AKAP11: variants seen among roughly 807,000 people sequenced by gnomAD.
AKAP11 encodes A-kinase anchoring protein 11, also known as A-kinase anchor protein 11.
AKAP11 carries 36 observed loss-of-function variants against 146.1 expected under a neutral mutation model. That is an observed-to-expected ratio of 0.25 (90% CI 0.19 to 0.33). The LOEUF (loss-of-function observed/expected upper bound fraction) is 0.33. Among genes scored for constraint, AKAP11 ranks in the 10% least tolerant of loss-of-function variants. AKAP11 has a pLI of 1.00. For missense variants in AKAP11, 2,201 were observed against 2,197.0 expected (o/e 1.00, Z -0.04); for synonymous variants, 780 against 786.5 (o/e 0.99, Z 0.14).
intron 8 of AKAP11, among the ~76,000 whole-genome samples, chr13:42,304,598 A>C (rs1183676361): frequency 6.6e-6 from 1 of 152,238 alleles, no homozygotes; most frequent in Admixed American, 6.5e-5. Context: ...AAGTTTTCTT[A>C]TAAAGACCAT....
chr13:42,271,927 C>G (rs1026277075), upstream of AKAP11, among the ~76,000 whole-genome samples: 2 of 151,738 alleles, frequency 1.3e-5, no homozygotes, highest in African/African-American at 4.8e-5. Context: ...CCTTCTTTCC[C>G]TTTTTAAACG....
At chr13:42,289,570 A>G (rs1959190426) in intron 3 of AKAP11, among the ~76,000 whole-genome samples, 1 of 152,070 alleles carries the variant, frequency 6.6e-6, no homozygotes, top group East Asian at 1.9e-4. Flanking sequence ...CATAACTTTG[A>G]TTGCTTTTTC....
intron 8 of AKAP11, 46 bp from the exon 9 acceptor site, chr13:42,308,408 T>C (rs1960387769): frequency 6.8e-7 from 1 of 1,475,674 alleles, no homozygotes; most frequent in Admixed American, 2.0e-5. Context: ...GTTCAGAATC[T>C]GGGATGCTTT....
chr13:42,295,036 A>G (rs1235569251), intron 4 of AKAP11, among the ~76,000 whole-genome samples: 2 of 152,192 alleles, frequency 1.3e-5, no homozygotes, highest in Non-Finnish European at 2.9e-5. Flanking sequence ...AGTAATCTCT[A>G]CATAAGGATA....
At chr13:42,314,436 G>A (rs1209792770) in intron 11 of AKAP11, among the ~76,000 whole-genome samples, 1 of 119,682 alleles carries the variant, frequency 8.4e-6, no homozygotes, top group South Asian at 3.1e-4. Context: ...CAGAGCCAGA[G>A]ACTCTGACTT....
intron 8 of AKAP11, 78 bp from the exon 9 acceptor site, chr13:42,308,376 C>A: frequency 8.3e-7 from 1 of 1,208,776 alleles, no homozygotes; most frequent in South Asian, 1.6e-5. Context: ...TCATCTTTGT[C>A]ATCAAATTGA....
intron 1 of AKAP11, among the ~76,000 whole-genome samples, chr13:42,283,550 T>C (rs1959106567): frequency 2.0e-5 from 3 of 152,228 alleles, no homozygotes; most frequent in Admixed American, 1.3e-4. Flanking sequence ...TAGCCAGCCC[T>C]GTCAAATCCC....
At position 42,308,616 on chromosome 13, in the gene AKAP11, A is replaced by G; in HGVS notation, c.5273+7A>G. 1 of 1,609,596 alleles carries G rather than the reference A, an allele frequency of 6.2e-7. No individual in the cohort carries two copies. Among genetic ancestry groups the G allele is most frequent in the Non-Finnish European group, 8.5e-7 (1 of 1,177,074 alleles). On this transcript the variant is annotated splice_region_variant and intron_variant, in intron 9 of 12. Transcript: ENST00000025301. ...TTCATCATCTAAGTGAAAGGTAACT[A>G]CACTTTTGCATATAATTGTGTAGTT...
intron 11 of AKAP11, among the ~76,000 whole-genome samples, chr13:42,316,425 A>G (rs771200218): frequency 1.3e-5 from 2 of 152,146 alleles, no homozygotes; most frequent in Admixed American, 1.3e-4. Context: ...GGAATGTTAA[A>G]CGCATGATAT....
Position 42,308,478 on chromosome 13 carries a change from G to C in AKAP11, c.5142G>C (p.Gln1714His). The stretch of plus-strand genomic sequence containing the variant: ...GTTCAAAAGAAATAGAAGACTTTCA[G>C]TCAACCGAGTCTGTCAGTAGCCAGC... Reference protein sequence around the residue: ...VSSSKEIEDFQSTESVSSQQM... With the variant: ...VSSSKEIEDFHSTESVSSQQM... The change falls in exon 9 of 13, where the codon CAG becomes CAC. Residue 1714 changes from glutamine (Q) to histidine (H), a missense_variant. Physicochemically the swap from Gln to His is conservative, Grantham distance 24. Coordinates refer to ENST00000025301, the MANE Select transcript of AKAP11 (RefSeq NM_016248.4). The C allele has an allele frequency of 6.3e-7, 1 of 1,596,218 alleles. No homozygotes were observed. Among genetic ancestry groups the C allele is most frequent in the Non-Finnish European group, 8.5e-7 (1 of 1,170,036 alleles).
In AKAP11 at chr13:42,302,378, C is replaced by G. The variant is rs369340773; in HGVS notation, c.3632C>G (p.Thr1211Ser). ...GCTACACACATCCTTTCTCTTGCAA[C>G]TGAAATGGCAGCTTCCCATTTAGAT... ...ALATHILSLA[T>S]EMAASHLDNK... Residue 1211 changes from threonine (T) to serine (S), a missense_variant, in exon 8 of 13, where the codon ACT (threonine) becomes AGT (serine). This residue lies in a region of AKAP11 where 1,867 missense variants were observed against 1,833.5 expected (regional missense o/e 1.02). Coordinates refer to ENST00000025301, the MANE Select transcript of AKAP11 (RefSeq NM_016248.4). The G allele has an allele frequency of 4.7e-5, 76 of 1,613,988 alleles. No homozygotes were observed. The highest frequency in any genetic ancestry group is 5.0e-5 in the Admixed American group (3 of 59,980).
At chr13:42,308,336 T>G in intron 8 of AKAP11, 118 bp from the exon 9 acceptor site, 1 of 814,752 alleles carries the variant, frequency 1.2e-6, no homozygotes, top group Non-Finnish European at 1.9e-6. Context: ...GAGCCACTGG[T>G]CTGATTCCGA....
At position 42,301,002 on chromosome 13, in the gene AKAP11, G is replaced by A. The variant is rs1959859213; in HGVS notation, c.2256G>A (p.Met752Ile). The A allele has an allele frequency of 6.2e-7, 1 of 1,614,038 alleles. No individual in the cohort carries two copies. Among genetic ancestry groups the A allele is most frequent in the Non-Finnish European group, 8.5e-7 (1 of 1,179,916 alleles). Residue 752 changes from methionine (M) to isoleucine (I), a missense_variant, in exon 8 of 13, where the codon ATG becomes ATA. Physicochemically the swap from Met to Ile is conservative, Grantham distance 10 (BLOSUM62 1). This residue lies in a region of AKAP11 where 1,867 missense variants were observed against 1,833.5 expected (regional missense o/e 1.02). Coordinates refer to ENST00000025301, the MANE Select transcript of AKAP11 (RefSeq NM_016248.4). The part of the protein sequence containing the change: ...FSPSFHNQAI[M>I]VTKPVQEYKK... ...CTTCTTTTCACAATCAAGCAATTAT[G>A]GTGACAAAACCAGTGCAGGAATATA...
intron 1 of AKAP11, 90 bp downstream of exon 1, chr13:42,272,318 C>T (rs1038905194): frequency 2.6e-5 from 4 of 152,180 alleles, no homozygotes; most frequent in Non-Finnish European, 5.9e-5. Flanking sequence ...AGCGGCCCGG[C>T]TCCGGCGCTC....
intron 1 of AKAP11, among the ~76,000 whole-genome samples, chr13:42,284,069 T>G (rs180777023): frequency 6.6e-6 from 1 of 152,340 alleles, no homozygotes; most frequent in East Asian, 1.9e-4. Context: ...ATTTATTTAC[T>G]CTGTGGGCCT....
intron 5 of AKAP11, 59 bp from the exon 6 acceptor site, chr13:42,296,989 A>C: frequency 3.4e-6 from 5 of 1,479,646 alleles, no homozygotes; most frequent in Non-Finnish European, 4.5e-6. Context: ...TCCACATTAT[A>C]GGAACCTTAA....
intron 4 of AKAP11, among the ~76,000 whole-genome samples, chr13:42,293,044 A>G (rs1356801993): frequency 1.3e-5 from 2 of 152,208 alleles, no homozygotes; most frequent in East Asian, 3.8e-4. Flanking sequence ...TGAATTTATT[A>G]TTATAAAAAG....
chr13:42,319,906 G>GGT lies in AKAP11; in HGVS notation c.*721_*722dup, dbSNP rs3038992. The GGT allele has an allele frequency of 0.14, 17,968 of 132,508 alleles. 1,281 individuals carry two copies. The highest frequency in any genetic ancestry group is 0.17 in the Middle Eastern group (45 of 260). The allele number at this position is 132,508 out of a possible 1,614,324, so 8.2% of individuals were successfully genotyped here. A position where few individuals can be genotyped will look rare whatever the true frequency, so the allele number is the denominator to read the frequency against. On this transcript the variant is annotated 3_prime_UTR_variant, in exon 13 of 13. Transcript: ENST00000025301. Reference sequence around the variant, plus strand: ...TGCTGCCAGTCATTCTGGCATGAAAGGTGTGTGTGTGTGTGTGTGTGTGTG... The same window carrying GGT: ...TGCTGCCAGTCATTCTGGCATGAAAGGTGTGTGTGTGTGTGTGTGTGTGTGTG...
intron 8 of AKAP11, among the ~76,000 whole-genome samples, chr13:42,306,928 C>T (rs762981226): frequency 4.6e-5 from 7 of 152,126 alleles, no homozygotes; most frequent in Non-Finnish European, 7.4e-5. Flanking sequence ...TCAAGCAATC[C>T]TCCTGCCCTA....
Sources: allele counts gnomAD v4.1 joint callset (sites outside exome capture counted in the v4.1 genomes callset), GRCh38; gene constraint gnomAD v4.1.1; regional missense constraint gnomAD v4.1.1; transcripts MANE v1.5; gene names NCBI Gene and HGNC (gene_info 2026-07-23, HGNC 2026-07-21).